ITGBL1: variants seen among roughly 807,000 people sequenced by gnomAD.
ITGBL1 encodes the protein integrin subunit beta like 1.
In ITGBL1, 51 loss-of-function variants were observed where a neutral mutation model predicts 68.5. The observed-to-expected ratio is 0.74, with a 90% CI of 0.59 to 0.94. The LOEUF is 0.94. ITGBL1 is among the 40% of genes least tolerant of loss of function. The pLI, the probability that ITGBL1 is intolerant of heterozygous loss-of-function variation, is 0.00. For synonymous variants in ITGBL1, 209 were observed against 227.3 expected, an observed-to-expected ratio of 0.92 and a Z score of 0.72; for missense variants, 649 against 647.4, an observed-to-expected ratio of 1.00 and a Z score of -0.03.
At chr13:101,506,871 C>A (rs2049034572) in intron 2 of ITGBL1, among the ~76,000 whole-genome samples, 1 of 152,058 alleles carries the variant, frequency 6.6e-6, no homozygotes, top group South Asian at 2.1e-4. Flanking sequence ...AACTGTGGAT[C>A]TTAAAGAGAG....
chr13:101,495,145 G>A (rs1331347074), intron 2 of ITGBL1, among the ~76,000 whole-genome samples: 1 of 152,132 alleles, frequency 6.6e-6, no homozygotes, highest in African/African-American at 2.4e-5. Context: ...CTTTTATGTA[G>A]TTTACTCTAT....
At chr13:101,549,009 A>G (rs966445988) in intron 2 of ITGBL1, among the ~76,000 whole-genome samples, 11 of 151,928 alleles carry the variant, frequency 7.2e-5, no homozygotes, top group Non-Finnish European at 1.5e-5. Flanking sequence ...ACACTTGAAC[A>G]TTTAAAAGTC....
chr13:101,680,561 A>T (rs141012385), intron 7 of ITGBL1, among the ~76,000 whole-genome samples: 28 of 152,070 alleles, frequency 1.8e-4, no homozygotes, highest in African/African-American at 5.8e-4. Flanking sequence ...GAAAAGTACA[A>T]TGAAAAAGGA....
At chr13:101,714,625 G>A (rs375294957) in intron 10 of ITGBL1, 74 bp downstream of exon 10, 30 of 904,244 alleles carry the variant, frequency 3.3e-5, no homozygotes, top group East Asian at 1.2e-4. Context: ...GTCATGCAAT[G>A]CTTTAGGTGG....
intron 2 of ITGBL1, among the ~76,000 whole-genome samples, chr13:101,541,564 C>T (rs1397443320): frequency 6.6e-6 from 1 of 152,106 alleles, no homozygotes; most frequent in Non-Finnish European, 1.5e-5. Flanking sequence ...TGATGCTGGC[C>T]TCATAAAATA....
At chr13:101,492,268 A>G (rs536148653) in intron 2 of ITGBL1, among the ~76,000 whole-genome samples, 1 of 152,328 alleles carries the variant, frequency 6.6e-6, no homozygotes, top group South Asian at 2.1e-4. Flanking sequence ...TCTGAAATAA[A>G]TGCAGTTCCT....
intron 3 of ITGBL1, among the ~76,000 whole-genome samples, chr13:101,570,780 T>G (rs2050259576): frequency 6.6e-6 from 1 of 152,172 alleles, no homozygotes; most frequent in Non-Finnish European, 1.5e-5. Flanking sequence ...GTTTGTTGGT[T>G]GCTTCTGATT....
intron 6 of ITGBL1, among the ~76,000 whole-genome samples, chr13:101,595,022 C>T (rs959119004): frequency 3.9e-5 from 6 of 152,070 alleles, no homozygotes; most frequent in Admixed American, 2.0e-4. Context: ...TGCAGTGAAC[C>T]GAGATTGTGC....
chr13:101,598,344 T>C (rs762133915), intron 7 of ITGBL1, 45 bp downstream of exon 7: 11 of 1,391,182 alleles, frequency 7.9e-6, no homozygotes, highest in Non-Finnish European at 1.0e-5. Flanking sequence ...TCCATCACAA[T>C]TCAAATGAAT....
At chr13:101,536,574 C>T (rs1222140502) in intron 2 of ITGBL1, among the ~76,000 whole-genome samples, 1 of 151,904 alleles carries the variant, frequency 6.6e-6, no homozygotes, top group African/African-American at 2.4e-5. Flanking sequence ...GTTGGTCTCC[C>T]TGTTCTAAAT....
intron 7 of ITGBL1, among the ~76,000 whole-genome samples, chr13:101,624,716 G>T (rs1413829664): frequency 1.3e-5 from 2 of 152,118 alleles, no homozygotes; most frequent in Non-Finnish European, 2.9e-5. Flanking sequence ...TCTGGTCCCT[G>T]CAACCAGCTG....
intron 2 of ITGBL1, among the ~76,000 whole-genome samples, chr13:101,523,718 A>G (rs377171237): frequency 1.3e-3 from 126 of 95,010 alleles, no homozygotes; most frequent in African/African-American, 5.0e-3. Context: ...ATGGATGCAC[A>G]CAAGCCAATT....
intron 6 of ITGBL1, among the ~76,000 whole-genome samples, chr13:101,584,761 A>G (rs575265993): frequency 1.3e-5 from 2 of 152,172 alleles, no homozygotes; most frequent in South Asian, 2.1e-4. Flanking sequence ...AAAAGAGCTC[A>G]TGACTAGTGA....
At chr13:101,571,708 GTTA>G (rs1330788193) in intron 3 of ITGBL1, among the ~76,000 whole-genome samples, 4 of 152,006 alleles carry the variant, frequency 2.6e-5, no homozygotes, top group Non-Finnish European at 5.9e-5. Flanking sequence ...ATATTTGTGT[GTTA>G]TTATTTCTCA....
chr13:101,653,531 TG>T (rs1158487250), intron 7 of ITGBL1, among the ~76,000 whole-genome samples: 2 of 152,180 alleles, frequency 1.3e-5, no homozygotes, highest in African/African-American at 4.8e-5. Flanking sequence ...TGAATTACAT[TG>T]GTGTTCAAAA....
chr13:101,659,037 G>A (rs1301699596), intron 7 of ITGBL1, among the ~76,000 whole-genome samples: 1 of 113,192 alleles, frequency 8.8e-6, no homozygotes, highest in Admixed American at 9.7e-5. Context: ...AGTGGTGATT[G>A]AATTTTTTTT....
chr13:101,577,622 G>A (rs1236980774), intron 4 of ITGBL1, among the ~76,000 whole-genome samples: 3 of 152,086 alleles, frequency 2.0e-5, no homozygotes, highest in Non-Finnish European at 2.9e-5. Context: ...CCTTACTTAT[G>A]TTGCACCTTC....
intron 7 of ITGBL1, among the ~76,000 whole-genome samples, chr13:101,602,201 T>C (rs2030426978): frequency 6.6e-6 from 1 of 152,098 alleles, no homozygotes; most frequent in Non-Finnish European, 1.5e-5. Context: ...TGAAACCCAG[T>C]AACATTATTT....
intron 2 of ITGBL1, among the ~76,000 whole-genome samples, chr13:101,510,865 G>C (rs2049104743): frequency 6.6e-6 from 1 of 151,904 alleles, no homozygotes; most frequent in Non-Finnish European, 1.5e-5. Context: ...TTGTTAATTT[G>C]TTTAAGTTTC....
Sources: allele counts gnomAD v4.1 joint callset (sites outside exome capture counted in the v4.1 genomes callset), GRCh38; gene constraint gnomAD v4.1.1; transcripts MANE v1.5; gene names NCBI Gene and HGNC (gene_info 2026-07-23, HGNC 2026-07-21).